Variants in PON3 observed in about 807,000 individuals in gnomAD.
PON3 encodes the protein serum paraoxonase/lactonase 3.
In PON3, 37 loss-of-function variants were observed where a neutral mutation model predicts 36.3. The observed-to-expected ratio is 1.02, with a 90% confidence interval of 0.78 to 1.34. The LOEUF is 1.34. Ranked by LOEUF, PON3 falls within the 40% of genes most tolerant of loss-of-function variation. The pLI, the probability that PON3 is intolerant of heterozygous loss-of-function variation, is 0.00. For missense variants in PON3, 415 were observed against 426.5 expected (o/e 0.97, Z 0.24); for synonymous variants, 155 against 154.8 (o/e 1.00, Z -0.01).
chr7:95,381,049 A>C (rs1391438910), intron 3 of PON3, among the ~76,000 whole-genome samples: 3 of 152,198 alleles, frequency 2.0e-5, no homozygotes, highest in Admixed American at 1.3e-4. Flanking sequence ...GCCAATATTC[A>C]ACGATATTAA....
At chr7:95,365,644 C>T (rs1178024498) in intron 5 of PON3, 1 of 152,214 alleles carries the variant, frequency 6.6e-6, no homozygotes, top group Non-Finnish European at 1.5e-5. Flanking sequence ...AGCAAAGAAC[C>T]ACAAACTCAG....
Position 95,390,140 on chromosome 7 carries a change from T to C in PON3, c.201+14A>G, listed in dbSNP as rs1353606412. 6.3e-7 allele frequency: 1 copy of C among 1,593,292 alleles called. No homozygotes were observed. Among genetic ancestry groups the C allele is most frequent in the South Asian group, 1.1e-5 (1 of 90,670 alleles). ...TATTGATGTGAGCATGAGAGCAGCATGGAAAATACTCACACTGGAGATAAA... is the reference window on the plus strand; with the variant it reads ...TATTGATGTGAGCATGAGAGCAGCACGGAAAATACTCACACTGGAGATAAA... On this transcript the variant is annotated intron_variant, in intron 3 of 8. Coordinates refer to ENST00000265627, the MANE Select transcript of PON3 (RefSeq NM_000940.3).
intron 1 of PON3, 121 bp downstream of exon 1, chr7:95,396,156 G>A: frequency 1.9e-6 from 2 of 1,036,542 alleles, no homozygotes; most frequent in East Asian, 2.4e-5. Context: ...GTGAGATGGA[G>A]GAGTGAGGTT....
intron 8 of PON3, 86 bp from the exon 9 acceptor site, chr7:95,360,217 T>A: frequency 7.6e-7 from 1 of 1,311,644 alleles, no homozygotes; most frequent in Non-Finnish European, 1.1e-6. Flanking sequence ...AGGATAAATC[T>A]ATTTTTCAGA....
chr7:95,392,419 C>T (rs1363020362), intron 2 of PON3, among the ~76,000 whole-genome samples: 4 of 152,168 alleles, frequency 2.6e-5, no homozygotes, highest in Admixed American at 2.6e-4. Context: ...TCAGACTAGA[C>T]CCTACCAATC....
chr7:95,364,927 A>G (rs1808658182), intron 5 of PON3: 1 of 152,230 alleles, frequency 6.6e-6, no homozygotes. Context: ...TGACTTGAAA[A>G]AATAATGCTT....
intron 5 of PON3, among the ~76,000 whole-genome samples, chr7:95,366,519 T>G (rs1808697938): frequency 6.6e-6 from 1 of 152,242 alleles, no homozygotes; most frequent in Admixed American, 6.5e-5. Flanking sequence ...CTTTTCCTAT[T>G]CTTCTATCCC....
intron 3 of PON3, among the ~76,000 whole-genome samples, chr7:95,385,800 C>G (rs570445080): frequency 6.7e-6 from 1 of 150,094 alleles, no homozygotes; most frequent in South Asian, 2.1e-4. Context: ...ACTGAACAAC[C>G]TGTTCCTGAA....
At chr7:95,379,168 C>G (rs1808986644) in intron 3 of PON3, among the ~76,000 whole-genome samples, 1 of 151,838 alleles carries the variant, frequency 6.6e-6, no homozygotes, top group African/African-American at 2.4e-5. Flanking sequence ...AAGGCCATTA[C>G]ATAATGGTAA....
At chr7:95,367,528 CT>C (rs747671367) in intron 4 of PON3, 40 bp from the exon 5 acceptor site, 8 of 1,601,744 alleles carry the variant, frequency 5.0e-6, no homozygotes, top group South Asian at 2.2e-5. Context: ...AAAGTTACCC[CT>C]ATCACAACTA....
intron 7 of PON3, 105 bp from the exon 8 acceptor site, chr7:95,362,595 G>A (rs1347090600): frequency 1.3e-6 from 2 of 1,534,868 alleles, no homozygotes; most frequent in African/African-American, 2.7e-5. Context: ...CCTAAAGTTG[G>A]TGTTTTTAGG....
rs779576212 is a variant in PON3 at position 95,362,846 on chromosome 7, G to T, written c.696-5C>A. 1.9e-6 allele frequency: 3 copies of T among 1,595,488 alleles called. No homozygotes were observed. The highest frequency in any genetic ancestry group is 1.7e-6 in the Non-Finnish European group (2 of 1,163,662). On this transcript the variant is annotated splice_polypyrimidine_tract_variant and splice_region_variant and intron_variant, in intron 6 of 8. Coordinates refer to ENST00000265627, the MANE Select transcript of PON3 (RefSeq NM_000940.3). ...ACATCAGCTACATAGACATACCTTT[G>T]AAGTAAATGACATTTACACTTAAGC...
chr7:95,369,658 C>T (rs1287834507), intron 4 of PON3, among the ~76,000 whole-genome samples: 3 of 152,090 alleles, frequency 2.0e-5, no homozygotes, highest in Non-Finnish European at 4.4e-5. Flanking sequence ...TGCCTGTAAT[C>T]CCAGCTACTT....
chr7:95,369,731 G>A (rs1808769634), intron 4 of PON3, among the ~76,000 whole-genome samples: 1 of 152,104 alleles, frequency 6.6e-6, no homozygotes, highest in Non-Finnish European at 1.5e-5. Flanking sequence ...AGCTTAGATT[G>A]TGCCACTGCA....
intron 3 of PON3, among the ~76,000 whole-genome samples, chr7:95,382,971 A>G (rs559664100): frequency 2.8e-4 from 43 of 152,216 alleles, no homozygotes; most frequent in African/African-American, 9.4e-4. Flanking sequence ...CTAGCAAACC[A>G]AATCCAGCAG....
At chr7:95,394,810 T>TC (rs1809394113) in intron 1 of PON3, 96 bp from the exon 2 acceptor site, 1 of 957,342 alleles carries the variant, frequency 1.0e-6, no homozygotes, top group African/African-American at 1.6e-5. Flanking sequence ...TGGTTAACTA[T>TC]CTTTATCATA....
chr7:95,370,946 A>G (rs1808796201), intron 4 of PON3, among the ~76,000 whole-genome samples: 1 of 152,208 alleles, frequency 6.6e-6, no homozygotes. Flanking sequence ...CCTACTCATT[A>G]GCTGTCATTC....
intron 3 of PON3, among the ~76,000 whole-genome samples, chr7:95,376,282 A>T (rs955228764): frequency 4.6e-5 from 7 of 152,350 alleles, no homozygotes; most frequent in South Asian, 4.1e-4. Flanking sequence ...CTTGGAGTCA[A>T]AGAGAAGCAT....
rs1461912431 is a variant in PON3 at position 95,383,707 on chromosome 7, C to T, written c.201+6447G>A. Among the ~76,000 whole-genome samples the T allele has an allele frequency of 3.9e-5, 6 of 152,220 alleles. No individual in the cohort carries two copies. The East Asian group carries it at 1.2e-3, about 29-fold the overall frequency. On this transcript the variant is annotated intron_variant, in intron 3 of 8. Transcript: ENST00000265627. ...CACTGCTCAACAAAATAAAAGAGAA[C>T]ACAAACAAATGGAAGAACATTCCAT...
Sources: allele counts gnomAD v4.1 joint callset (sites outside exome capture counted in the v4.1 genomes callset), GRCh38; gene constraint gnomAD v4.1.1; transcripts MANE v1.5; gene names NCBI Gene and HGNC (gene_info 2026-07-23, HGNC 2026-07-21).